SCN9A: variants seen among roughly 807,000 people sequenced by gnomAD.
The protein encoded by SCN9A is sodium channel protein type 9 subunit alpha.
Under a neutral mutation model 187.0 loss-of-function variants are expected in SCN9A, and 131 were observed. That is an observed-to-expected ratio of 0.70 (90% CI 0.61 to 0.81). The LOEUF is 0.81. Ranked by LOEUF, SCN9A falls within the 30% of genes least tolerant of loss-of-function variation. SCN9A has a pLI of 0.00. For synonymous variants in SCN9A, 809 were observed against 808.6 expected, an observed-to-expected ratio of 1.00 and a Z score of -0.01; for missense variants, 2,252 against 2,396.6, an observed-to-expected ratio of 0.94 and a Z score of 1.26.
chr2:166,226,743 A>G (rs201626165), intron 23 of SCN9A, 39 bp from the exon 24 acceptor site: 42 of 1,457,068 alleles, frequency 2.9e-5, no homozygotes, highest in Non-Finnish European at 3.5e-5. Context: ...ATGGACAGTA[A>G]CATTCATTAT....
intron 7 of SCN9A, among the ~76,000 whole-genome samples, chr2:166,299,053 C>T (rs1698440136): frequency 1.3e-5 from 2 of 152,170 alleles, no homozygotes; most frequent in South Asian, 4.1e-4. Context: ...CTGCAGTCTT[C>T]TCTTCTATCT....
At chr2:166,246,430 A>G (rs1695791944) in intron 18 of SCN9A, among the ~76,000 whole-genome samples, 1 of 152,064 alleles carries the variant, frequency 6.6e-6, no homozygotes, top group Non-Finnish European at 1.5e-5. Context: ...TACTTAAATA[A>G]TTATTATCTA....
At position 166,216,266 on chromosome 2, in the gene SCN9A, C is replaced by T. The variant is rs139911228; in HGVS notation, c.4398+10301G>A. Among the ~76,000 whole-genome samples the T allele has an allele frequency of 3.3e-3, 507 of 152,152 alleles. 3 individuals carry two copies. The highest frequency in any genetic ancestry group is 6.8e-3 in the Middle Eastern group (2 of 294). On this transcript the variant is annotated intron_variant, in intron 24 of 26. Coordinates refer to ENST00000642356, the MANE Select transcript of SCN9A (RefSeq NM_001365536.1). ...AATAAAGCCATATATGACAAGCCCACGGCTAACATTATGCAAAAACTGAAA... is the reference window on the plus strand; with the variant it reads ...AATAAAGCCATATATGACAAGCCCATGGCTAACATTATGCAAAAACTGAAA...
rs1559051158 is a variant in SCN9A at position 166,340,598 on chromosome 2, CTTT to C, written c.-50-28795_-50-28793del. Reference sequence around the variant, plus strand: ...TCTTTCTTTCTTTCTTTCTTTCTTTCTTTCTTTTTCTTTCTTTCTTTCCTTTCT... The same window carrying C: ...TCTTTCTTTCTTTCTTTCTTTCTTTCCTTTTTCTTTCTTTCTTTCCTTTCT... On this transcript the variant is annotated intron_variant, in intron 1 of 26. Coordinates refer to ENST00000642356, the MANE Select transcript of SCN9A (RefSeq NM_001365536.1). Among the ~76,000 whole-genome samples, 318 of 53,028 alleles carry C rather than the reference CTTT, an allele frequency of 6.0e-3. 10 individuals are homozygous for C. Among genetic ancestry groups the C allele is most frequent in the African/African-American group, 0.026 (178 of 6,764 alleles). The allele number at this position is 53,028 out of a possible 152,430, so 34.8% of individuals were successfully genotyped here.
At chr2:166,257,004 C>T (rs1696306205) in intron 17 of SCN9A, among the ~76,000 whole-genome samples, 1 of 151,592 alleles carries the variant, frequency 6.6e-6, no homozygotes, top group African/African-American at 2.4e-5. Context: ...ACAGATTTCT[C>T]AGCCAGGTCC....
intron 17 of SCN9A, among the ~76,000 whole-genome samples, chr2:166,260,158 A>G (rs1195857577): frequency 6.6e-6 from 1 of 151,904 alleles, no homozygotes; most frequent in Non-Finnish European, 1.5e-5. Flanking sequence ...TAGTAAAAGG[A>G]CATTAAATAT....
In SCN9A at chr2:166,220,254, G is replaced by A. The variant is rs115388778; in HGVS notation, c.4398+6313C>T. Among the ~76,000 whole-genome samples, 467 of 152,210 alleles carry A rather than the reference G, an allele frequency of 3.1e-3. 2 individuals are homozygous for A. The highest frequency in any genetic ancestry group is 0.011 in the African/African-American group (439 of 41,524). On this transcript the variant is annotated intron_variant, in intron 24 of 26. Transcript: ENST00000642356. The stretch of plus-strand genomic sequence containing the variant: ...TAAAAACTAAAAAAAGAAAACAAAA[G>A]CTAGGTATAGAAGTTGCTATAACTT...
chr2:166,228,692 A>C lies in SCN9A; in HGVS notation c.4205T>G (p.Val1402Gly). 6.2e-7 allele frequency: 1 copy of C among 1,608,830 alleles called. No individual in the cohort carries two copies. Among genetic ancestry groups the C allele is most frequent in the Non-Finnish European group, 8.5e-7 (1 of 1,176,592 alleles). The change falls in exon 22 of 27, where the codon GTT (valine) becomes GGT (glycine). Residue 1402 changes from valine to glycine, a missense_variant and splice_region_variant. Val to Gly is a moderately radical substitution (Grantham distance 109, BLOSUM62 -3). This residue lies in a region of SCN9A where 368 missense variants were observed against 408.6 expected (regional missense o/e 0.90). Transcript: ENST00000642356. ...VGLGYLSLLQ[V>G]ATFKGWTIIM... ...GCACTCATGAAATGGGACACTTACA[A>C]CTTGAAGCAGAGATAGGTAACCAAG...
chr2:166,334,987 T>C (rs1191646781), intron 1 of SCN9A, among the ~76,000 whole-genome samples: 1 of 152,130 alleles, frequency 6.6e-6, no homozygotes, highest in Non-Finnish European at 1.5e-5. Context: ...GCTGTTAGTA[T>C]TTGCTGGCTT....
At chr2:166,229,346 T>G (rs1277291230) in intron 21 of SCN9A, among the ~76,000 whole-genome samples, 1 of 151,296 alleles carries the variant, frequency 6.6e-6, no homozygotes, top group East Asian at 1.9e-4. Context: ...ATCTGTACAC[T>G]CTGGAAAAAA....
chr2:166,215,400 A>G, intron 24 of SCN9A, among the ~76,000 whole-genome samples: 1 of 152,158 alleles, frequency 6.6e-6, no homozygotes, highest in African/African-American at 2.4e-5. Context: ...TAGAAAAAGA[A>G]GAACAGAATA....
At chr2:166,364,965 C>T (rs1308866499) in intron 1 of SCN9A, among the ~76,000 whole-genome samples, 1 of 152,086 alleles carries the variant, frequency 6.6e-6, no homozygotes, top group African/African-American at 2.4e-5. Flanking sequence ...GCGGTGTCTC[C>T]TTGGTATCTG....
At chr2:166,297,510 C>CA (rs1450842521) in intron 7 of SCN9A, among the ~76,000 whole-genome samples, 1 of 151,936 alleles carries the variant, frequency 6.6e-6, no homozygotes, top group Non-Finnish European at 1.5e-5. Flanking sequence ...AAGCCAGATA[C>CA]AAAAAGCCAT....
chr2:166,345,308 TA>T (rs1415513718), intron 1 of SCN9A, among the ~76,000 whole-genome samples: 2 of 79,128 alleles, frequency 2.5e-5, no homozygotes, highest in African/African-American at 7.6e-5. Context: ...GTGCATAACT[TA>T]GAAAAAAATA....
chr2:166,281,880 T>TC (rs1697508037), intron 12 of SCN9A, 72 bp from the exon 13 acceptor site: 1 of 1,386,154 alleles, frequency 7.2e-7, no homozygotes, highest in Admixed American at 2.3e-5. Flanking sequence ...AAAATCTTGC[T>TC]TATATAGCTG....
intron 5 of SCN9A, among the ~76,000 whole-genome samples, chr2:166,305,263 G>A (rs1202125601): frequency 1.3e-5 from 2 of 151,982 alleles, no homozygotes; most frequent in Non-Finnish European, 1.5e-5. Flanking sequence ...AAATTATACT[G>A]TAATGTAATA....
intron 26 of SCN9A, among the ~76,000 whole-genome samples, chr2:166,202,058 A>G (rs999063770): frequency 1.3e-5 from 2 of 151,546 alleles, no homozygotes; most frequent in Non-Finnish European, 3.0e-5. Flanking sequence ...TATAAGAACA[A>G]TTTTCTATTT....
At chr2:166,203,216 C>A (rs1195329032) in intron 26 of SCN9A, among the ~76,000 whole-genome samples, 4 of 151,790 alleles carry the variant, frequency 2.6e-5, no homozygotes, top group Non-Finnish European at 5.9e-5. Flanking sequence ...TGAACCTTTT[C>A]AGATTGATAA....
intron 1 of SCN9A, among the ~76,000 whole-genome samples, chr2:166,365,721 T>A (rs1338423648): frequency 6.6e-6 from 1 of 152,240 alleles, no homozygotes; most frequent in East Asian, 1.9e-4. Flanking sequence ...ATACCCTGTA[T>A]AAAATTTTTC....
Sources: gnomAD v4.1 joint callset for allele counts (sites outside exome capture counted in the v4.1 genomes callset) on GRCh38, gnomAD v4.1.1 for gene constraint, gnomAD v4.1.1 regional missense constraint, MANE v1.5 for transcripts, NCBI Gene and HGNC (gene_info 2026-07-23, HGNC 2026-07-21) for gene names.